The following MAP3K13 variants were observed in gnomAD, a reference collection of about 807,000 sequenced individuals.
The protein encoded by MAP3K13 is mitogen-activated protein kinase kinase kinase 13.
In MAP3K13, 52 loss-of-function variants were observed where a neutral mutation model predicts 104.0. The observed-to-expected ratio is 0.50, with a 90% CI of 0.40 to 0.63. The LOEUF is 0.63. Ranked by LOEUF, MAP3K13 falls within the 20% of genes least tolerant of loss-of-function variation. MAP3K13 has a pLI of 0.00. For synonymous variants in MAP3K13, 394 were observed against 442.2 expected, an observed-to-expected ratio of 0.89 and a Z score of 1.37; for missense variants, 914 against 1,218.5, an observed-to-expected ratio of 0.75 and a Z score of 3.72.
chr3:185,293,122 T>A, intron 2 of MAP3K13: 1 of 859,656 alleles, frequency 1.2e-6, no homozygotes, highest in Non-Finnish European at 1.4e-6. Context: ...TTCCTTTTTC[T>A]TTTTCTTTTT....
At chr3:185,352,139 T>C (rs1298331422) in intron 2 of MAP3K13, among the ~76,000 whole-genome samples, 2 of 152,124 alleles carry the variant, frequency 1.3e-5, no homozygotes, top group African/African-American at 4.8e-5. Flanking sequence ...CGTACCCACC[T>C]AAAACTTTAA....
chr3:185,434,587 A>G (rs1401755090), intron 2 of MAP3K13, among the ~76,000 whole-genome samples: 1 of 152,200 alleles, frequency 6.6e-6, no homozygotes, highest in East Asian at 1.9e-4. Context: ...AAAAATAGGA[A>G]CTACATGAAG....
chr3:185,450,129 A>G lies in MAP3K13; in HGVS notation c.1169+71A>G. The G allele has an allele frequency of 2.2e-6, 3 of 1,394,664 alleles. No individual in the cohort carries two copies. In the East Asian group the frequency reaches 7.4e-5, roughly 34 times the overall value. 86.4% of individuals were successfully genotyped at this position (1,394,664 alleles called of 1,614,324 possible). On this transcript the variant is annotated intron_variant, in intron 6 of 13. Coordinates refer to ENST00000265026, the MANE Select transcript of MAP3K13 (RefSeq NM_004721.5). This position sits in a 1 kb window ranked among gnomAD's most constrained non-coding sequence, Gnocchi z 4.2. ...TTTGGAGTAAATATCCTGGTGGTGGAAAGAATAGGAGCTTTGGAGTAGGAG... is the reference window on the plus strand; with the variant it reads ...TTTGGAGTAAATATCCTGGTGGTGGGAAGAATAGGAGCTTTGGAGTAGGAG...
intron 1 of MAP3K13, among the ~76,000 whole-genome samples, chr3:185,374,665 G>A (rs1426913221): frequency 1.3e-5 from 2 of 152,116 alleles, no homozygotes; most frequent in African/African-American, 2.4e-5. Flanking sequence ...AAGCTTTTAG[G>A]CTCTATCTTT....
Position 185,383,201 on chromosome 3 carries a change from T to G in MAP3K13, c.-86+19833T>G, listed in dbSNP as rs369370492. On this transcript the variant is annotated intron_variant, in intron 1 of 13. Coordinates refer to ENST00000265026, the MANE Select transcript of MAP3K13 (RefSeq NM_004721.5). ...TACAAAGGACATGAACTCATCATTTTTTATGGCTGCATAGTATTCCATGGT... is the reference window on the plus strand; with the variant it reads ...TACAAAGGACATGAACTCATCATTTGTTATGGCTGCATAGTATTCCATGGT... 3.3e-5 allele frequency among the ~76,000 whole-genome samples: 5 copies of G among 151,412 alleles called. No homozygotes were observed. The East Asian group carries it at 7.8e-4, about 24-fold the overall frequency.
chr3:185,293,240 C>T (rs192170927), intron 2 of MAP3K13, among the ~76,000 whole-genome samples: 2 of 152,206 alleles, frequency 1.3e-5, no homozygotes, highest in East Asian at 3.9e-4. Context: ...GCCTCAGCCT[C>T]CCGAGTAGCT....
intron 4 of MAP3K13, among the ~76,000 whole-genome samples, chr3:185,444,343 A>AAT (rs1553806061): frequency 1.3e-5 from 2 of 151,426 alleles, no homozygotes; most frequent in Non-Finnish European, 2.9e-5. Flanking sequence ...CTCAAAAAAA[A>AAT]AATAATAAAA....
intron 2 of MAP3K13, among the ~76,000 whole-genome samples, chr3:185,336,986 A>T (rs1722529613): frequency 6.6e-6 from 1 of 152,170 alleles, no homozygotes; most frequent in Non-Finnish European, 1.5e-5. Flanking sequence ...TCCTCACAGA[A>T]CAACAAACGT....
At chr3:185,434,687 AT>A (rs1199470892) in intron 2 of MAP3K13, among the ~76,000 whole-genome samples, 1 of 152,198 alleles carries the variant, frequency 6.6e-6, no homozygotes, top group African/African-American at 2.4e-5. Context: ...AGGAGGGTAG[AT>A]GGCAAGTGGG....
At chr3:185,308,244 T>C (rs1036618419) in intron 2 of MAP3K13, among the ~76,000 whole-genome samples, 8 of 152,096 alleles carry the variant, frequency 5.3e-5, no homozygotes, top group Admixed American at 5.2e-4. Context: ...TCCTCTGAAC[T>C]GTGCCTGTAA....
At chr3:185,467,210 G>A (rs1717493360) in intron 10 of MAP3K13, among the ~76,000 whole-genome samples, 1 of 152,198 alleles carries the variant, frequency 6.6e-6, no homozygotes, top group South Asian at 2.1e-4. Flanking sequence ...CTGGGGGCCA[G>A]ACAGACCTGG....
chr3:185,291,592 G>A (rs1323252542), intron 2 of MAP3K13: 2 of 1,498,022 alleles, frequency 1.3e-6, no homozygotes, highest in African/African-American at 1.4e-5. Context: ...GAATTTTTTT[G>A]TGTTTTGTTT....
chr3:185,454,556 C>CATATATATGATATATATATGATATATAG (rs1716194072), intron 7 of MAP3K13, among the ~76,000 whole-genome samples: 2 of 53,818 alleles, frequency 3.7e-5, no homozygotes, highest in Admixed American at 3.1e-4. Flanking sequence ...GATATATACA[C>CATATATATGATATATATATGATATATAG]ATATATATGA....
At chr3:185,481,914 C>G (rs1165505339) in intron 13 of MAP3K13, among the ~76,000 whole-genome samples, 1 of 152,188 alleles carries the variant, frequency 6.6e-6, no homozygotes, top group Non-Finnish European at 1.5e-5. Context: ...GAAACCCTGT[C>G]TCTACTAAAA....
intron 2 of MAP3K13, among the ~76,000 whole-genome samples, chr3:185,301,639 A>G (rs930924171): frequency 6.6e-6 from 1 of 152,150 alleles, no homozygotes; most frequent in African/African-American, 2.4e-5. Flanking sequence ...TTTGTAGTCA[A>G]ATTTTATAGG....
chr3:185,302,948 G>A lies in MAP3K13; in HGVS notation c.-86+17305G>A, dbSNP rs561824451. On this transcript the variant is annotated intron_variant, in intron 2 of 14. Coordinates refer to the MAP3K13 transcript ENST00000424227. ...GGGAAAGTTTTCAGTATTTCACCAT[G>A]GAGTGTGACATTGGCTGTGGACTTT... Among the ~76,000 whole-genome samples the A allele has an allele frequency of 2.6e-5, 4 of 152,256 alleles. No individual in the cohort carries two copies. The South Asian group carries it at 6.2e-4, about 24-fold the overall frequency.
chr3:185,371,946 C>CACA (rs1724184585), intron 1 of MAP3K13, among the ~76,000 whole-genome samples: 1 of 152,184 alleles, frequency 6.6e-6, no homozygotes, highest in Non-Finnish European at 1.5e-5. Flanking sequence ...ATTAGGCTAT[C>CACA]TGCAGGCTTG....
At chr3:185,294,032 T>C (rs1239071308) in intron 2 of MAP3K13, among the ~76,000 whole-genome samples, 6 of 152,204 alleles carry the variant, frequency 3.9e-5, no homozygotes, top group Non-Finnish European at 7.3e-5. Flanking sequence ...CTTGTATCTT[T>C]CTGGCCTAAT....
In MAP3K13 at chr3:185,447,856, A is replaced by G. The variant is rs1381831875; in HGVS notation, c.919A>G (p.Lys307Glu). Residue 307 changes from lysine to glutamate, a missense_variant, in exon 5 of 14, where the codon AAA (lysine) becomes GAA (glutamate). By Grantham distance (56) the Lys-to-Glu change is moderately conservative. Coordinates refer to ENST00000265026, the MANE Select transcript of MAP3K13 (RefSeq NM_004721.5). ...TGGTACATCTAAGGAACTCAGTGACAAAAGTACCAAGATGTCATTTGCTGG... is the reference window on the plus strand; with the variant it reads ...TGGTACATCTAAGGAACTCAGTGACGAAAGTACCAAGATGTCATTTGCTGG... ...DFGTSKELSDKSTKMSFAGTV... is the reference protein window; with the variant it reads ...DFGTSKELSDESTKMSFAGTV... The G allele has an allele frequency of 6.2e-7, 1 of 1,614,118 alleles. No individual in the cohort carries two copies. Among genetic ancestry groups the G allele is most frequent in the East Asian group, 2.2e-5 (1 of 44,892 alleles).
Sources: gnomAD v4.1 joint callset for allele counts (sites outside exome capture counted in the v4.1 genomes callset) on GRCh38, gnomAD v4.1.1 for gene constraint, Gnocchi (gnomAD v3.1) non-coding constraint, MANE v1.5 for transcripts, NCBI Gene and HGNC (gene_info 2026-07-23, HGNC 2026-07-21) for gene names.